The following CAB39 variants were observed in gnomAD, a reference collection of about 807,000 sequenced individuals.
CAB39 encodes the protein calcium-binding protein 39.
CAB39 carries 8 observed loss-of-function variants against 40.0 expected under a neutral mutation model. That is an observed-to-expected ratio of 0.20 (90% CI 0.12 to 0.36). The LOEUF (loss-of-function observed/expected upper bound fraction) is 0.36, where lower values mean the gene tolerates loss of function less well. Among genes scored for constraint, CAB39 ranks in the 10% least tolerant of loss-of-function variants. The probability of loss-of-function intolerance (pLI) is 1.00; values close to 1 mark genes in which losing one functional copy is unlikely to be tolerated. For missense variants in CAB39, 270 were observed against 401.1 expected (o/e 0.67, Z 2.79); for synonymous variants, 156 against 141.6 (o/e 1.10, Z -0.72).
chr2:230,763,499 A>C (rs764131529), intron 2 of CAB39, among the ~76,000 whole-genome samples: 1 of 152,130 alleles, frequency 6.6e-6, no homozygotes, highest in Non-Finnish European at 1.5e-5. Flanking sequence ...AGACTGAGGC[A>C]CAAGAACTGC....
At chr2:230,752,732 G>A (rs576112057) in intron 1 of CAB39, among the ~76,000 whole-genome samples, 44 of 152,328 alleles carry the variant, frequency 2.9e-4, no homozygotes, top group Admixed American at 8.5e-4. Context: ...AATGGTGAGG[G>A]TCTACCCTTA....
At position 230,807,205 on chromosome 2, in the gene CAB39, A is replaced by G. The variant is rs575038043; in HGVS notation, c.568-3058A>G. Among the ~76,000 whole-genome samples, 3 of 152,146 alleles carry G rather than the reference A, an allele frequency of 2.0e-5. No individual in the cohort carries two copies. The South Asian group carries it at 6.2e-4, about 32-fold the overall frequency. ...CCATTATGTTCTATTCTGTTGGTCT[A>G]CACACACCCCCCTCCCACCCACACT... On this transcript the variant is annotated intron_variant, in intron 5 of 8. Coordinates refer to ENST00000258418, the MANE Select transcript of CAB39 (RefSeq NM_016289.4).
rs1036707708 is a variant in CAB39, at chr2:230,820,190, CAG to C, written c.*1489_*1490del. 39 of 152,492 alleles carry C rather than the reference CAG, an allele frequency of 2.6e-4. No homozygotes were observed. Among genetic ancestry groups the C allele is most frequent in the African/African-American group, 8.9e-4 (37 of 41,430 alleles). 9.4% of individuals were successfully genotyped at this position (152,492 alleles called of 1,614,324 possible). A position where few individuals can be genotyped will look rare whatever the true frequency, so the allele number is the denominator to read the frequency against. Reference sequence around the variant, plus strand: ...AGATCACAACTAACAACTGACAAATCAGAGTTTGCCAGTTCAAATTCAGCATG... The same window carrying C: ...AGATCACAACTAACAACTGACAAATCAGTTTGCCAGTTCAAATTCAGCATG... On this transcript the variant is annotated 3_prime_UTR_variant, in exon 9 of 9. Transcript: ENST00000258418.
At chr2:230,777,713 A>G in intron 2 of CAB39, among the ~76,000 whole-genome samples, 1 of 152,116 alleles carries the variant, frequency 6.6e-6, no homozygotes, top group Non-Finnish European at 1.5e-5. Flanking sequence ...CTGGCCCTCA[A>G]TTATTTTTAA....
chr2:230,732,988 T>A (rs1353254554), intron 1 of CAB39, among the ~76,000 whole-genome samples: 1 of 152,198 alleles, frequency 6.6e-6, no homozygotes, highest in Non-Finnish European at 1.5e-5. Context: ...AATATGGAAT[T>A]TTTTTCAACC....
intron 5 of CAB39, among the ~76,000 whole-genome samples, chr2:230,809,137 CT>C (rs1476470937): frequency 6.6e-6 from 1 of 152,172 alleles, no homozygotes; most frequent in Non-Finnish European, 1.5e-5. Context: ...TACAGAGGCC[CT>C]TTCGGGAAGG....
rs913000448 is a variant in CAB39 at position 230,798,911 on chromosome 2, T to C, written c.567+14T>C. 6.4e-7 allele frequency: 1 copy of C among 1,571,802 alleles called. No homozygotes were observed. Among genetic ancestry groups the C allele is most frequent in the South Asian group, 1.2e-5 (1 of 86,848 alleles). Reference sequence around the variant, plus strand: ...GCCACATTCAAGGTAACAAAAACTGTAGAATTCTAAATATCCTTGAAAGTC... The same window carrying C: ...GCCACATTCAAGGTAACAAAAACTGCAGAATTCTAAATATCCTTGAAAGTC... On this transcript the variant is annotated intron_variant, in intron 5 of 8. Coordinates refer to ENST00000258418, the MANE Select transcript of CAB39 (RefSeq NM_016289.4).
chr2:230,738,571 T>C (rs1424227531), intron 1 of CAB39, among the ~76,000 whole-genome samples: 6 of 152,226 alleles, frequency 3.9e-5, no homozygotes, highest in African/African-American at 1.4e-4. Flanking sequence ...GGTAGAATGT[T>C]CTATGTGATC....
At chr2:230,753,834 C>G (rs1695133526) in intron 1 of CAB39, among the ~76,000 whole-genome samples, 1 of 151,700 alleles carries the variant, frequency 6.6e-6, no homozygotes, top group Non-Finnish European at 1.5e-5. Context: ...ATTAAAATAT[C>G]TATTTCTGTT....
At chr2:230,786,398 T>C (rs936324064) in intron 2 of CAB39, among the ~76,000 whole-genome samples, 4 of 152,098 alleles carry the variant, frequency 2.6e-5, no homozygotes, top group Non-Finnish European at 5.9e-5. Context: ...TATTGAGATA[T>C]AATTTACATG....
At chr2:230,736,627 G>A (rs1694792122) in intron 1 of CAB39, among the ~76,000 whole-genome samples, 1 of 152,118 alleles carries the variant, frequency 6.6e-6, no homozygotes. Context: ...TTCTGTAATC[G>A]AGACCCTGTG....
chr2:230,750,050 G>A (rs1695058947), intron 1 of CAB39, among the ~76,000 whole-genome samples: 1 of 152,150 alleles, frequency 6.6e-6, no homozygotes, highest in Admixed American at 6.5e-5. Context: ...AGAACTTCTT[G>A]TAGGAACGAA....
intron 1 of CAB39, among the ~76,000 whole-genome samples, chr2:230,726,142 T>C (rs1004427432): frequency 1.3e-5 from 2 of 152,096 alleles, no homozygotes; most frequent in Non-Finnish European, 2.9e-5. Flanking sequence ...GAAAGTCATT[T>C]TGATGTTTTT....
chr2:230,791,731 C>T (rs1180137310), intron 3 of CAB39, among the ~76,000 whole-genome samples: 1 of 152,210 alleles, frequency 6.6e-6, no homozygotes, highest in African/African-American at 2.4e-5. Context: ...ATTTGCATCT[C>T]CTGCCCAGCC....
intron 1 of CAB39, among the ~76,000 whole-genome samples, chr2:230,757,562 A>G (rs1374390824): frequency 6.6e-6 from 1 of 152,022 alleles, no homozygotes; most frequent in Admixed American, 6.6e-5. Context: ...GCTGTAACCA[A>G]CTTTTGGTAT....
chr2:230,793,290 C>T lies in CAB39; in HGVS notation c.357C>T (p.Tyr119=), dbSNP rs758057695. 1 of 1,605,858 alleles carries T rather than the reference C, an allele frequency of 6.2e-7. No homozygotes were observed. Among genetic ancestry groups the T allele is most frequent in the South Asian group, 1.1e-5 (1 of 90,642 alleles). ...QIGTRTPTVE[Y]ICTQQNILFM... ...GTACGAGAACTCCTACTGTTGAATA[C>T]ATCTGCACCCAACAGAATATTTTGT... is the stretch of plus-strand genomic sequence containing the variant. Residue 119 remains tyrosine, a synonymous_variant, in exon 4 of 9, where the codon TAC becomes TAT. Coordinates refer to ENST00000258418, the MANE Select transcript of CAB39 (RefSeq NM_016289.4).
intron 1 of CAB39, among the ~76,000 whole-genome samples, chr2:230,724,759 T>C (rs1449324630): frequency 1.3e-5 from 2 of 151,026 alleles, no homozygotes; most frequent in Non-Finnish European, 3.0e-5. Context: ...ATCTTTTTTT[T>C]TTTTTTTTTT....
chr2:230,743,830 A>C (rs552418094), intron 1 of CAB39, among the ~76,000 whole-genome samples: 6 of 152,256 alleles, frequency 3.9e-5, no homozygotes, highest in African/African-American at 1.4e-4. Flanking sequence ...TTGTCTGCAG[A>C]AATCAGGTAA....
chr2:230,725,895 A>C (rs1224369516), intron 1 of CAB39, among the ~76,000 whole-genome samples: 1 of 152,210 alleles, frequency 6.6e-6, no homozygotes, highest in Non-Finnish European at 1.5e-5. Context: ...GATGGAATCT[A>C]CAAATCATCA....
Sources: allele counts gnomAD v4.1 joint callset (sites outside exome capture counted in the v4.1 genomes callset), GRCh38; gene constraint gnomAD v4.1.1; transcripts MANE v1.5; gene names NCBI Gene and HGNC (gene_info 2026-07-23, HGNC 2026-07-21).